ROCK1: variants seen among roughly 807,000 people sequenced by gnomAD.
ROCK1 encodes rho-associated protein kinase 1.
Under a neutral mutation model 196.8 loss-of-function variants are expected in ROCK1, and 36 were observed. That is an observed-to-expected ratio of 0.18 (90% confidence interval 0.14 to 0.24). ROCK1 has a LOEUF of 0.24. ROCK1 is among the 10% of genes least tolerant of loss of function. ROCK1 has a pLI of 1.00. For missense variants in ROCK1, 920 were observed against 1,562.0 expected, an observed-to-expected ratio of 0.59 and a Z score of 6.93; for synonymous variants, 443 against 515.9, an observed-to-expected ratio of 0.86 and a Z score of 1.91.
At chr18:20,959,715 A>T (rs1468934174) in intron 29 of ROCK1, 125 bp downstream of exon 29, 1 of 483,906 alleles carries the variant, frequency 2.1e-6, no homozygotes, top group African/African-American at 2.0e-5. Flanking sequence ...ATTTATGCTT[A>T]AGAAAAACAG....
intron 2 of ROCK1, among the ~76,000 whole-genome samples, chr18:21,058,708 T>C (rs1429178802): frequency 2.0e-5 from 3 of 152,108 alleles, no homozygotes; most frequent in African/African-American, 7.2e-5. Context: ...GCCTCCCAAG[T>C]AGCCGGGACT....
chr18:21,088,834 C>G (rs2036547929), intron 1 of ROCK1, among the ~76,000 whole-genome samples: 1 of 152,096 alleles, frequency 6.6e-6, no homozygotes, highest in African/African-American at 2.4e-5. Flanking sequence ...GCTTTCCAGG[C>G]ACCTTCTTGG....
At chr18:20,969,740 A>C (rs2035408400) in intron 23 of ROCK1, among the ~76,000 whole-genome samples, 2 of 152,154 alleles carry the variant, frequency 1.3e-5, no homozygotes, top group South Asian at 4.1e-4. Context: ...ATAGATGAGA[A>C]ATCTGAGGCT....
At chr18:20,968,505 G>A (rs2035395830) in intron 25 of ROCK1, 5 of 316,384 alleles carry the variant, frequency 1.6e-5, no homozygotes, top group Non-Finnish European at 2.3e-5. Flanking sequence ...CTGGGGTTTC[G>A]ATGTCAGCCA....
At chr18:21,055,155 A>G (rs2036236388) in intron 2 of ROCK1, among the ~76,000 whole-genome samples, 1 of 152,174 alleles carries the variant, frequency 6.6e-6, no homozygotes, top group Admixed American at 6.5e-5. Context: ...ATCCTATTAT[A>G]GTTAAATCCA....
At position 21,039,711 on chromosome 18, in the gene ROCK1, C is replaced by T. The variant is rs550491139; in HGVS notation, c.960-148G>A. 1.1e-5 allele frequency: 6 copies of T among 556,288 alleles called. No individual in the cohort carries two copies. The African/African-American group carries it at 1.1e-4, about 10-fold the overall frequency. 34.5% of individuals were successfully genotyped at this position (556,288 alleles called of 1,614,324 possible). Reference sequence around the variant, plus strand: ...ATTATATTGTCAGCATAGTATCAGCCCAAATAGAAAATATGTTAAAGATTG... The same window carrying T: ...ATTATATTGTCAGCATAGTATCAGCTCAAATAGAAAATATGTTAAAGATTG... On this transcript the variant is annotated intron_variant, in intron 8 of 32. Transcript: ENST00000399799.
intron 2 of ROCK1, among the ~76,000 whole-genome samples, chr18:21,051,056 C>G: frequency 6.6e-6 from 1 of 152,098 alleles, no homozygotes; most frequent in South Asian, 2.1e-4. Flanking sequence ...TAACTAAAGC[C>G]TGCTGGGTGA....
Position 20,954,835 on chromosome 18 carries a change from C to T in ROCK1, c.3801G>A (p.Lys1267=), listed in dbSNP as rs759023276. ...PALECRRCHV[K]CHRDHLDKKE... ...TCTTATCTAAGTGATCTCTGTGGCA[C>T]TTAACATGGCATCTTCGACACTCTA... The change falls in exon 31 of 33, where the codon AAG becomes AAA. Residue 1267 remains lysine, a synonymous_variant. Transcript: ENST00000399799. The T allele has an allele frequency of 1.2e-6, 2 of 1,613,944 alleles. No individual in the cohort carries two copies. Among genetic ancestry groups the T allele is most frequent in the Admixed American group, 3.3e-5 (2 of 60,020 alleles).
intron 1 of ROCK1, among the ~76,000 whole-genome samples, chr18:21,095,028 C>G (rs1224165944): frequency 9.8e-6 from 1 of 102,368 alleles, no homozygotes; most frequent in Non-Finnish European, 1.8e-5. Context: ...CCAGCCTGGG[C>G]AACAAGAGGG....
At chr18:21,061,308 G>C (rs2036288527) in intron 2 of ROCK1, among the ~76,000 whole-genome samples, 1 of 152,076 alleles carries the variant, frequency 6.6e-6, no homozygotes, top group Non-Finnish European at 1.5e-5. Context: ...TTGAACTCCT[G>C]ATCTCAGGTG....
chr18:20,991,052 G>A, intron 18 of ROCK1, 124 bp downstream of exon 18: 2 of 742,362 alleles, frequency 2.7e-6, no homozygotes, highest in Middle Eastern at 4.0e-4. Flanking sequence ...GAGCCACTGT[G>A]CCAGGCCTAT....
At chr18:21,085,562 C>T (rs1174067492) in intron 1 of ROCK1, among the ~76,000 whole-genome samples, 1 of 152,000 alleles carries the variant, frequency 6.6e-6, no homozygotes, top group African/African-American at 2.4e-5. Context: ...CTTGATGAAA[C>T]ATTTTTAGGT....
intron 2 of ROCK1, among the ~76,000 whole-genome samples, chr18:21,067,099 GA>G (rs1338596042): frequency 6.6e-6 from 1 of 152,110 alleles, no homozygotes; most frequent in East Asian, 1.9e-4. Flanking sequence ...TGTCAGTTTA[GA>G]AAGTTTTAAT....
At chr18:21,020,356 CCTCT>C in intron 11 of ROCK1, 117 bp from the exon 12 acceptor site, 3 of 492,080 alleles carry the variant, frequency 6.1e-6, no homozygotes, top group Non-Finnish European at 1.0e-5. Context: ...TTTAATCTTA[CCTCT>C]TTCTATCTCA....
intron 22 of ROCK1, among the ~76,000 whole-genome samples, chr18:20,975,034 A>G (rs1176985682): frequency 1.3e-5 from 2 of 152,238 alleles, no homozygotes; most frequent in Non-Finnish European, 2.9e-5. Context: ...TAGGTGCTAG[A>G]CATACAGCAA....
rs553918014 is a variant in ROCK1, at chr18:21,079,678, T to C, written c.94-9065A>G. Reference sequence around the variant, plus strand: ...TAGATTGCTCCTCTGGAGCCCGCTTTAGCTCTGGGGAACTACTCCCTGTGG... The same window carrying C: ...TAGATTGCTCCTCTGGAGCCCGCTTCAGCTCTGGGGAACTACTCCCTGTGG... On this transcript the variant is annotated intron_variant, in intron 1 of 32. Coordinates refer to ENST00000399799, the MANE Select transcript of ROCK1 (RefSeq NM_005406.3). Among the ~76,000 whole-genome samples, 7 of 152,272 alleles carry C rather than the reference T, an allele frequency of 4.6e-5. No individual in the cohort carries two copies. In the East Asian group the frequency reaches 1.2e-3, roughly 25 times the overall value.
chr18:20,951,946 C>T (rs1041603433), intron 32 of ROCK1, among the ~76,000 whole-genome samples: 1 of 148,848 alleles, frequency 6.7e-6, no homozygotes, highest in Non-Finnish European at 1.5e-5. Flanking sequence ...TGGAATTGGA[C>T]AACATAGGCT....
chr18:21,051,921 C>T (rs1218571413), intron 2 of ROCK1, among the ~76,000 whole-genome samples: 2 of 152,246 alleles, frequency 1.3e-5, no homozygotes, highest in East Asian at 3.9e-4. Flanking sequence ...AGGAAAACTA[C>T]TCTAGGAAAT....
rs539595469 is a variant in ROCK1, at chr18:20,982,143, A to G, written c.2559+620T>C. On this transcript the variant is annotated intron_variant, in intron 21 of 32. Transcript: ENST00000399799. ...CTGGATGACTGCTCTGTGGAAGCAT[A>G]TGGCAAGAAAGCATATGGGATGCTA... Among the ~76,000 whole-genome samples, 7 of 152,366 alleles carry G rather than the reference A, an allele frequency of 4.6e-5. No homozygotes were observed. In the South Asian group the frequency reaches 1.4e-3, roughly 32 times the overall value.
Sources: gnomAD v4.1 joint callset for allele counts (sites outside exome capture counted in the v4.1 genomes callset) on GRCh38, gnomAD v4.1.1 for gene constraint, MANE v1.5 for transcripts, NCBI Gene and HGNC (gene_info 2026-07-23, HGNC 2026-07-21) for gene names.